The following BMERB1 variants were observed in gnomAD, a reference collection of about 807,000 sequenced individuals.
BMERB1 encodes bMERB domain containing 1.
In BMERB1, 12 loss-of-function variants were observed where a neutral mutation model predicts 23.6. The observed-to-expected ratio is 0.51, with a 90% CI of 0.33 to 0.82. The LOEUF (loss-of-function observed/expected upper bound fraction) is 0.82, where lower values mean the gene tolerates loss of function less well. Ranked by LOEUF, BMERB1 falls within the 40% of genes least tolerant of loss-of-function variation. The probability of loss-of-function intolerance (pLI) is 0.03; values close to 1 mark genes in which losing one functional copy is unlikely to be tolerated. For missense variants in BMERB1, 247 were observed against 255.4 expected (o/e 0.97, Z 0.22); for synonymous variants, 122 against 96.6 (o/e 1.26, Z -1.54).
At position 15,434,652 on chromosome 16, in the gene BMERB1, C is replaced by A; in HGVS notation, c.-2C>A. Reference sequence around the variant, plus strand: ...CCGTCGACCTGGCCACGGGGATCAGCGATGGAATTAAAGCAATCTTTGTCC... The same window carrying A: ...CCGTCGACCTGGCCACGGGGATCAGAGATGGAATTAAAGCAATCTTTGTCC... On this transcript the variant is annotated 5_prime_UTR_variant, in exon 1 of 6. Transcript: ENST00000300006. The A allele has an allele frequency of 6.2e-7, 1 of 1,613,554 alleles. No homozygotes were observed. The highest frequency in any genetic ancestry group is 8.5e-7 in the Non-Finnish European group (1 of 1,179,494).
At chr16:15,438,732 T>A (rs2050910517) in intron 1 of BMERB1, among the ~76,000 whole-genome samples, 1 of 152,244 alleles carries the variant, frequency 6.6e-6, no homozygotes, top group South Asian at 2.1e-4. Context: ...AGGGCCGTGA[T>A]TACAGATGTG....
At chr16:15,558,644 G>C (rs988397194) in intron 2 of BMERB1, among the ~76,000 whole-genome samples, 3 of 151,892 alleles carry the variant, frequency 2.0e-5, no homozygotes, top group African/African-American at 7.3e-5. Flanking sequence ...GTGTCGTAGC[G>C]ACATATATGT....
chr16:15,492,927 AG>A lies in BMERB1; in HGVS notation c.107-22377del, dbSNP rs1337021488. Among the ~76,000 whole-genome samples, 5 of 151,982 alleles carry A rather than the reference AG, an allele frequency of 3.3e-5. No individual in the cohort carries two copies. The South Asian group carries it at 1.0e-3, about 32-fold the overall frequency. On this transcript the variant is annotated intron_variant, in intron 1 of 5. Transcript: ENST00000300006. ...ATATGAGATTCCATCTCAAAAAAAA[AG>A]AAAAAAAAGAAGAAAGTGATGAGAA...
intron 2 of BMERB1, among the ~76,000 whole-genome samples, chr16:15,534,382 G>C (rs183112787): frequency 3.6e-3 from 545 of 150,246 alleles, no homozygotes; most frequent in Non-Finnish European, 6.5e-3. Context: ...GCGAAACCCT[G>C]TCTCTACTAA....
At chr16:15,571,678 A>G (rs1407393067) in intron 3 of BMERB1, among the ~76,000 whole-genome samples, 2 of 151,892 alleles carry the variant, frequency 1.3e-5, no homozygotes, top group South Asian at 2.1e-4. Flanking sequence ...TTTTTTTCCT[A>G]AACAGATAGC....
In BMERB1 at chr16:15,535,785, TAGAG is replaced by T. The variant is rs1365255817; in HGVS notation, c.230+20360_230+20363del. On this transcript the variant is annotated intron_variant, in intron 2 of 5. Coordinates refer to ENST00000300006, the MANE Select transcript of BMERB1 (RefSeq NM_033201.3). ...ACCAAAGATTGAGTAATTTATAAAATAGAGAGGTTTAATTGACTCACAGTTTCGC... is the reference window on the plus strand; with the variant it reads ...ACCAAAGATTGAGTAATTTATAAAATAGGTTTAATTGACTCACAGTTTCGC... Among the ~76,000 whole-genome samples, 4 of 150,962 alleles carry T rather than the reference TAGAG, an allele frequency of 2.6e-5. No individual in the cohort carries two copies. The East Asian group carries it at 5.8e-4, about 22-fold the overall frequency.
chr16:15,525,670 A>G (rs1347704529), intron 2 of BMERB1, among the ~76,000 whole-genome samples: 1 of 151,312 alleles, frequency 6.6e-6, no homozygotes, highest in Non-Finnish European at 1.5e-5. Flanking sequence ...ATGCCAGTGC[A>G]CTCCAGCCTG....
At chr16:15,533,395 CT>C (rs11379898) in intron 2 of BMERB1, among the ~76,000 whole-genome samples, 1,741 of 141,062 alleles carry the variant, frequency 0.012, 27 homozygotes, top group African/African-American at 0.036. Flanking sequence ...TCGTTTCTTT[CT>C]TTTTTTTTTT....
chr16:15,556,997 C>A (rs1356132112), intron 2 of BMERB1, among the ~76,000 whole-genome samples: 1 of 152,178 alleles, frequency 6.6e-6, no homozygotes, highest in Non-Finnish European at 1.5e-5. Flanking sequence ...CTCTGAAAAC[C>A]TACCTCTGCC....
Position 15,540,143 on chromosome 16 carries a change from C to G in BMERB1, c.230+24715C>G, listed in dbSNP as rs79794634. On this transcript the variant is annotated intron_variant, in intron 2 of 5. Coordinates refer to ENST00000300006, the MANE Select transcript of BMERB1 (RefSeq NM_033201.3). Reference sequence around the variant, plus strand: ...ACTTGGACGACAGAGTGAGACCCTGCTGAAAAAAATATATATAATTTTCAT... The same window carrying G: ...ACTTGGACGACAGAGTGAGACCCTGGTGAAAAAAATATATATAATTTTCAT... 3.3e-5 allele frequency among the ~76,000 whole-genome samples: 5 copies of G among 151,362 alleles called. No individual in the cohort carries two copies. In the South Asian group the frequency reaches 6.3e-4, roughly 19 times the overall value.
At chr16:15,495,164 G>A (rs1421191900) in intron 1 of BMERB1, among the ~76,000 whole-genome samples, 2 of 151,730 alleles carry the variant, frequency 1.3e-5, no homozygotes, top group African/African-American at 2.4e-5. Context: ...GATTACAGGT[G>A]TGAGCCATCA....
At chr16:15,543,650 C>T (rs2052106656) in intron 2 of BMERB1, among the ~76,000 whole-genome samples, 1 of 151,828 alleles carries the variant, frequency 6.6e-6, no homozygotes, top group East Asian at 1.9e-4. Context: ...ACAAGAACTC[C>T]TCTCTACAAA....
At chr16:15,575,947 T>C (rs1405215800) in intron 3 of BMERB1, among the ~76,000 whole-genome samples, 1 of 152,094 alleles carries the variant, frequency 6.6e-6, no homozygotes, top group East Asian at 1.9e-4. Flanking sequence ...TTGGGGTTTT[T>C]CTTTTGATTT....
intron 2 of BMERB1, among the ~76,000 whole-genome samples, chr16:15,524,610 A>G (rs2051888196): frequency 6.6e-6 from 1 of 152,134 alleles, no homozygotes; most frequent in East Asian, 1.9e-4. Context: ...TCTACTAAAA[A>G]TACAAAAAAA....
At position 15,551,607 on chromosome 16, in the gene BMERB1, AAG is replaced by A. The variant is rs2030094198; in HGVS notation, c.231-16372_231-16371del. 2.0e-5 allele frequency among the ~76,000 whole-genome samples: 3 copies of A among 152,298 alleles called. No individual in the cohort carries two copies. The South Asian group carries it at 6.2e-4, about 32-fold the overall frequency. On this transcript the variant is annotated intron_variant, in intron 2 of 5. Transcript: ENST00000300006. ...GGCAAAGGCTTGAGTGCAGGAGTTC[AAG>A]AGAACTCCTTGGGGCCAGGCTTTAC...
intron 1 of BMERB1, among the ~76,000 whole-genome samples, chr16:15,479,352 A>G (rs896564368): frequency 1.3e-5 from 2 of 152,218 alleles, no homozygotes; most frequent in African/African-American, 4.8e-5. Flanking sequence ...TGATATTCCA[A>G]AATCATACTT....
intron 1 of BMERB1, among the ~76,000 whole-genome samples, chr16:15,464,202 A>G (rs1026037272): frequency 6.6e-6 from 1 of 151,466 alleles, no homozygotes; most frequent in Admixed American, 6.6e-5. Flanking sequence ...AATCTCAGCT[A>G]CTCAGGAGAC....
chr16:15,501,424 C>T (rs1001628027), intron 1 of BMERB1, among the ~76,000 whole-genome samples: 2 of 150,982 alleles, frequency 1.3e-5, no homozygotes, highest in East Asian at 2.0e-4. Context: ...TTCTGAGTAG[C>T]TACGATTATA....
At position 15,442,101 on chromosome 16, in the gene BMERB1, C is replaced by A. The variant is rs555286012; in HGVS notation, c.106+7342C>A. 2.0e-5 allele frequency among the ~76,000 whole-genome samples: 3 copies of A among 152,112 alleles called. No homozygotes were observed. The East Asian group carries it at 5.8e-4, about 29-fold the overall frequency. ...ATCCCAGCACTTTGGGAGACCGAGG[C>A]AGGTGGATCACCTGAGGTGAGGAGT... is the stretch of plus-strand genomic sequence containing the variant. On this transcript the variant is annotated intron_variant, in intron 1 of 5. Transcript: ENST00000300006.
Sources: allele counts gnomAD v4.1 joint callset (sites outside exome capture counted in the v4.1 genomes callset), GRCh38; gene constraint gnomAD v4.1.1; transcripts MANE v1.5; gene names NCBI Gene and HGNC (gene_info 2026-07-23, HGNC 2026-07-21).